Variants in MCM5 observed in about 807,000 individuals in gnomAD.
MCM5 encodes DNA replication licensing factor MCM5.
In MCM5, 46 loss-of-function variants were observed where a neutral mutation model predicts 79.9. The ratio of observed to expected loss-of-function variants is 0.58; its 90% CI spans 0.45 to 0.74. The LOEUF (loss-of-function observed/expected upper bound fraction) is 0.74, where lower values mean the gene tolerates loss of function less well. Ranked by LOEUF, MCM5 falls within the 30% of genes least tolerant of loss-of-function variation. The pLI is 0.00. For synonymous variants in MCM5, 404 were observed against 390.5 expected, an observed-to-expected ratio of 1.03 and a Z score of -0.41; for missense variants, 883 against 1,017.0, an observed-to-expected ratio of 0.87 and a Z score of 1.79.
chr22:35,439,345 A>G, the MCM5 span, among the ~76,000 whole-genome samples: 1 of 151,804 alleles, frequency 6.6e-6, no homozygotes, highest in Non-Finnish European at 1.5e-5. Flanking sequence ...CCACATATTC[A>G]TTCATCCATC....
chr22:35,404,701 C>T (rs541381801), intron 4 of MCM5, among the ~76,000 whole-genome samples: 5 of 152,286 alleles, frequency 3.3e-5, no homozygotes, highest in Non-Finnish European at 7.3e-5. Flanking sequence ...TCCCCAGCCT[C>T]GCTTCTGCTT....
At chr22:35,427,700 C>T (rs1359005951), downstream of MCM5, among the ~76,000 whole-genome samples, 2 of 151,686 alleles carry the variant, frequency 1.3e-5, no homozygotes, top group East Asian at 1.9e-4. Context: ...CTCCCTAGCC[C>T]CCCACCCCCC....
Position 35,403,200 on chromosome 22 carries a change from A to T in MCM5, c.168-7A>T, listed in dbSNP as rs748261216. ...TCCTGCCCCACCCTGCTATGTGCCC[A>T]CTCCAGGGATGAACTCAAGCGGCAT... On this transcript the variant is annotated splice_polypyrimidine_tract_variant and splice_region_variant and intron_variant, in intron 2 of 16. Transcript: ENST00000216122. 1.2e-6 allele frequency: 2 copies of T among 1,613,756 alleles called. No homozygotes were observed. Among genetic ancestry groups the T allele is most frequent in the Admixed American group, 1.7e-5 (1 of 59,980 alleles).
At chr22:35,438,707 TCATCCATCCATC>T in the MCM5 span, among the ~76,000 whole-genome samples, 8 of 70,586 alleles carry the variant, frequency 1.1e-4, no homozygotes, top group African/African-American at 2.8e-4. Flanking sequence ...ACCCACATAT[TCATCCATCCATC>T]CATCCATCCA....
the MCM5 span, among the ~76,000 whole-genome samples, chr22:35,446,195 G>A: frequency 0.16 from 23,859 of 152,162 alleles, 1,937 homozygotes; most frequent in East Asian, 0.25. Flanking sequence ...AGGCATATCC[G>A]AATTTAACAG....
At chr22:35,450,387 C>A in the MCM5 span, among the ~76,000 whole-genome samples, 2 of 152,132 alleles carry the variant, frequency 1.3e-5, no homozygotes, top group Admixed American at 6.5e-5. Flanking sequence ...CGCAGGAAGA[C>A]CCCCTCCAGG....
chr22:35,450,106 G>C, the MCM5 span, among the ~76,000 whole-genome samples: 3 of 152,190 alleles, frequency 2.0e-5, no homozygotes, highest in African/African-American at 4.8e-5. Context: ...TATAGGAGCT[G>C]TGTGATCCTA....
the MCM5 span, among the ~76,000 whole-genome samples, chr22:35,444,218 A>G: frequency 1.3e-5 from 2 of 148,684 alleles, no homozygotes; most frequent in Non-Finnish European, 3.0e-5. Flanking sequence ...AAAGGGGAGG[A>G]GGGAGAGAGG....
At position 35,410,854 on chromosome 22, in the gene MCM5, G is replaced by A; in HGVS notation, c.863G>A (p.Gly288Asp). ...AGGGGCCGTGACAGGGTGGGCGTGG[G>A]CATCCGAAGCTCCTACATCCGTGTC... is the stretch of plus-strand genomic sequence containing the variant. Reference protein sequence around the residue: ...TSRGRDRVGVGIRSSYIRVLG... With the variant: ...TSRGRDRVGVDIRSSYIRVLG... Residue 288 changes from glycine to aspartate, a missense_variant, in exon 7 of 17, where the codon GGC becomes GAC. By Grantham distance (94) the Gly-to-Asp change is moderately conservative. Transcript: ENST00000216122. The A allele has an allele frequency of 2.5e-6, 4 of 1,613,398 alleles. No homozygotes were observed. The highest frequency in any genetic ancestry group is 3.4e-6 in the Non-Finnish European group (4 of 1,179,490).
In MCM5 at chr22:35,410,913, G is replaced by A; in HGVS notation, c.919+3G>A. 1.3e-6 allele frequency: 2 copies of A among 1,590,878 alleles called. No homozygotes were observed. Among genetic ancestry groups the A allele is most frequent in the Non-Finnish European group, 8.6e-7 (1 of 1,165,406 alleles). The stretch of plus-strand genomic sequence containing the variant: ...CCAGGTGGACACAGATGGCTCTGGT[G>A]AGTTGGCTTTGGGGTCCTGGCTTAG... On this transcript the variant is annotated splice_donor_region_variant and intron_variant, in intron 7 of 16. Coordinates refer to ENST00000216122, the MANE Select transcript of MCM5 (RefSeq NM_006739.4).
chr22:35,428,959 T>C (rs1441514874), downstream of MCM5, among the ~76,000 whole-genome samples: 1 of 150,626 alleles, frequency 6.6e-6, no homozygotes, highest in African/African-American at 2.4e-5. Context: ...TTCCCAGTTC[T>C]TTTCTTTGAC....
the MCM5 span, among the ~76,000 whole-genome samples, chr22:35,438,403 C>T: frequency 8.0e-3 from 1,204 of 150,704 alleles, 10 homozygotes; most frequent in South Asian, 0.018. Context: ...ATCCACCCAC[C>T]CACATATTCA....
chr22:35,410,858 C>T lies in MCM5; in HGVS notation c.867C>T (p.Ile289=), dbSNP rs552754841. 28 of 1,613,300 alleles carry T rather than the reference C, an allele frequency of 1.7e-5. No homozygotes were observed. In the Admixed American group the frequency reaches 3.8e-4, roughly 22 times the overall value. ...GCCGTGACAGGGTGGGCGTGGGCATCCGAAGCTCCTACATCCGTGTCCTGG... is the reference window on the plus strand; with the variant it reads ...GCCGTGACAGGGTGGGCGTGGGCATTCGAAGCTCCTACATCCGTGTCCTGG... ...SRGRDRVGVG[I]RSSYIRVLGI... The change falls in exon 7 of 17, where the codon ATC becomes ATT. Residue 289 remains isoleucine, a synonymous_variant. Coordinates refer to ENST00000216122, the MANE Select transcript of MCM5 (RefSeq NM_006739.4).
chr22:35,428,595 C>T (rs530688438), downstream of MCM5, among the ~76,000 whole-genome samples: 3 of 152,004 alleles, frequency 2.0e-5, no homozygotes, highest in African/African-American at 4.8e-5. Flanking sequence ...CTACTATTGA[C>T]GTATGTAAAC....
At chr22:35,438,389 A>G in the MCM5 span, among the ~76,000 whole-genome samples, 3 of 151,512 alleles carry the variant, frequency 2.0e-5, no homozygotes, top group African/African-American at 7.3e-5. Context: ...TCATCCATCC[A>G]TCCATCCACC....
At chr22:35,443,856 G>A in the MCM5 span, among the ~76,000 whole-genome samples, 117,670 of 149,880 alleles carry the variant, frequency 0.79, 46,621 homozygotes, top group African/African-American at 0.88. Flanking sequence ...CCTCGGAGGG[G>A]GCCGTGGGCC....
At chr22:35,431,925 C>T in the MCM5 span, among the ~76,000 whole-genome samples, 1 of 152,218 alleles carries the variant, frequency 6.6e-6, no homozygotes, top group African/African-American at 2.4e-5. Flanking sequence ...TCACTTTATG[C>T]CTGGTGATGG....
chr22:35,417,880 G>A (rs775376017), intron 13 of MCM5, 24 bp downstream of exon 13: 23 of 1,577,964 alleles, frequency 1.5e-5, no homozygotes, highest in South Asian at 1.2e-4. Flanking sequence ...GCAGGCCCAC[G>A]GGGGTGAGGT....
At chr22:35,409,189 T>G (rs1245114783) in intron 6 of MCM5, among the ~76,000 whole-genome samples, 1 of 152,152 alleles carries the variant, frequency 6.6e-6, no homozygotes, top group African/African-American at 2.4e-5. Context: ...GGTCTCGATC[T>G]CCTGACCTCA....
Sources: gnomAD v4.1 joint callset for allele counts (sites outside exome capture counted in the v4.1 genomes callset) on GRCh38, gnomAD v4.1.1 for gene constraint, MANE v1.5 for transcripts, NCBI Gene and HGNC (gene_info 2026-07-23, HGNC 2026-07-21) for gene names.